Variants in GMDS observed in about 807,000 individuals in gnomAD.
The protein encoded by GMDS is GDP-mannose 4,6 dehydratase.
In GMDS, 20 loss-of-function variants were observed where a neutral mutation model predicts 49.9. The observed-to-expected ratio is 0.40, with a 90% CI of 0.28 to 0.58. The LOEUF is 0.58. Ranked by LOEUF, GMDS falls within the 20% of genes least tolerant of loss-of-function variation. The pLI is 0.42. For synonymous variants in GMDS, 177 were observed against 178.6 expected (o/e 0.99, Z 0.07); for missense variants, 362 against 481.4 (o/e 0.75, Z 2.32).
At chr6:2,002,945 T>C (rs866261079) in intron 4 of GMDS, among the ~76,000 whole-genome samples, 6 of 152,090 alleles carry the variant, frequency 3.9e-5, no homozygotes, top group Non-Finnish European at 8.8e-5. Flanking sequence ...ATTTTGAAAA[T>C]TTGAGCTTTT....
At chr6:1,984,658 A>G (rs1017386365) in intron 4 of GMDS, among the ~76,000 whole-genome samples, 1 of 152,198 alleles carries the variant, frequency 6.6e-6, no homozygotes, top group East Asian at 1.9e-4. Context: ...TGGCATTTCT[A>G]CAATCCATCC....
chr6:1,869,232 T>C (rs1457445583), intron 7 of GMDS, among the ~76,000 whole-genome samples: 1 of 152,252 alleles, frequency 6.6e-6, no homozygotes, highest in African/African-American at 2.4e-5. Context: ...ACATGGATAC[T>C]GATGAACACA....
At chr6:2,179,792 A>T (rs1184928567) in intron 1 of GMDS, among the ~76,000 whole-genome samples, 1 of 152,172 alleles carries the variant, frequency 6.6e-6, no homozygotes, top group Non-Finnish European at 1.5e-5. Context: ...AAACCCATCT[A>T]TCTATCTACC....
At chr6:2,006,028 C>T (rs1010629441) in intron 4 of GMDS, among the ~76,000 whole-genome samples, 2 of 152,092 alleles carry the variant, frequency 1.3e-5, no homozygotes, top group Non-Finnish European at 2.9e-5. Context: ...ACCTCCAAAT[C>T]CTCATTTCTA....
At chr6:2,190,760 T>C (rs1184603472) in intron 1 of GMDS, among the ~76,000 whole-genome samples, 1 of 152,130 alleles carries the variant, frequency 6.6e-6, no homozygotes, top group African/African-American at 2.4e-5. Context: ...ACAGTCCTAT[T>C]GATGGCAGCA....
At chr6:1,755,710 T>C (rs998988566) in intron 7 of GMDS, among the ~76,000 whole-genome samples, 12 of 152,318 alleles carry the variant, frequency 7.9e-5, no homozygotes, top group South Asian at 6.2e-4. Flanking sequence ...GCTAGCCATA[T>C]GCAGAAAACT....
chr6:1,644,915 A>G (rs1308011543), intron 9 of GMDS, among the ~76,000 whole-genome samples: 1 of 148,362 alleles, frequency 6.7e-6, no homozygotes, highest in South Asian at 2.1e-4. Context: ...TCAGGATGAG[A>G]TTCAGACTCT....
At chr6:2,064,732 T>C (rs773173131) in intron 4 of GMDS, among the ~76,000 whole-genome samples, 4 of 152,104 alleles carry the variant, frequency 2.6e-5, no homozygotes, top group African/African-American at 7.2e-5. Context: ...GAAGCTGGCA[T>C]GGGGAGAAGA....
chr6:1,811,424 G>A (rs1770423986), intron 7 of GMDS, among the ~76,000 whole-genome samples: 1 of 152,038 alleles, frequency 6.6e-6, no homozygotes, highest in Non-Finnish European at 1.5e-5. Context: ...CAGAGTAGGT[G>A]ATTAAAAACA....
chr6:1,680,691 T>A (rs1764760135), intron 9 of GMDS, among the ~76,000 whole-genome samples: 1 of 152,172 alleles, frequency 6.6e-6, no homozygotes, highest in South Asian at 2.1e-4. Context: ...TCCAGGTGCA[T>A]CACTTGAGCC....
At chr6:2,214,313 G>C (rs1425152936) in intron 1 of GMDS, among the ~76,000 whole-genome samples, 1 of 152,102 alleles carries the variant, frequency 6.6e-6, no homozygotes, top group Non-Finnish European at 1.5e-5. Flanking sequence ...ACCGAATACA[G>C]TTGGCCCCTA....
At chr6:1,832,965 C>A (rs533623575) in intron 7 of GMDS, among the ~76,000 whole-genome samples, 4 of 151,920 alleles carry the variant, frequency 2.6e-5, no homozygotes, top group Non-Finnish European at 4.4e-5. Flanking sequence ...TCAGGCCACA[C>A]GAGGAAGGAA....
At chr6:2,102,251 T>C (rs1268941575) in intron 4 of GMDS, among the ~76,000 whole-genome samples, 1 of 152,154 alleles carries the variant, frequency 6.6e-6, no homozygotes, top group Non-Finnish European at 1.5e-5. Context: ...GTATCATTTT[T>C]AAAAGCCCAT....
chr6:2,215,986 C>T (rs955698435), intron 1 of GMDS, among the ~76,000 whole-genome samples: 7 of 151,994 alleles, frequency 4.6e-5, no homozygotes, highest in South Asian at 2.1e-4. Context: ...AAGGGGATCA[C>T]GGAAACATAG....
chr6:2,111,832 TA>T (rs1774561113), intron 4 of GMDS, among the ~76,000 whole-genome samples: 2 of 152,238 alleles, frequency 1.3e-5, no homozygotes, highest in Admixed American at 1.3e-4. Flanking sequence ...CAAAGCTGAT[TA>T]ATATAGAGAA....
At chr6:1,994,658 G>A (rs6921819) in intron 4 of GMDS, among the ~76,000 whole-genome samples, 2,608 of 151,894 alleles carry the variant, frequency 0.017, 79 homozygotes, top group African/African-American at 0.058. Flanking sequence ...CATATGGTAC[G>A]CAGAGAAAAA....
intron 1 of GMDS, among the ~76,000 whole-genome samples, chr6:2,227,918 C>T (rs912074078): frequency 6.6e-5 from 10 of 152,340 alleles, no homozygotes; most frequent in African/African-American, 2.4e-4. Flanking sequence ...GGGTAGTTAA[C>T]ACATAACCAT....
chr6:1,718,771 CAT>C (rs532357339), intron 9 of GMDS, among the ~76,000 whole-genome samples: 231 of 148,664 alleles, frequency 1.6e-3, no homozygotes, highest in African/African-American at 5.1e-3. Context: ...CATATATATA[CAT>C]ATATATATAT....
Position 1,897,306 on chromosome 6 carries a change from A to T in GMDS, c.771+32797T>A, listed in dbSNP as rs187342404. On this transcript the variant is annotated intron_variant, in intron 7 of 10. Coordinates refer to ENST00000380815, the MANE Select transcript of GMDS (RefSeq NM_001500.4). Reference sequence around the variant, plus strand: ...TCCTATTGGATAGGTCCCTACCCTAATGGTCATTTTAAATTAATCACCTGT... The same window carrying T: ...TCCTATTGGATAGGTCCCTACCCTATTGGTCATTTTAAATTAATCACCTGT... 2.0e-5 allele frequency among the ~76,000 whole-genome samples: 3 copies of T among 152,282 alleles called. No homozygotes were observed. In the East Asian group the frequency reaches 5.8e-4, roughly 29 times the overall value.
Sources: gnomAD v4.1 joint callset for allele counts (sites outside exome capture counted in the v4.1 genomes callset) on GRCh38, gnomAD v4.1.1 for gene constraint, MANE v1.5 for transcripts, NCBI Gene and HGNC (gene_info 2026-07-23, HGNC 2026-07-21) for gene names.